The following RIMS2 variants were observed in gnomAD, a reference collection of about 807,000 sequenced individuals.
RIMS2 encodes regulating synaptic membrane exocytosis protein 2.
RIMS2 carries 59 observed loss-of-function variants against 174.4 expected under a neutral mutation model. The ratio of observed to expected loss-of-function variants is 0.34; its 90% CI spans 0.27 to 0.42. The LOEUF (loss-of-function observed/expected upper bound fraction) is 0.42. Among genes scored for constraint, RIMS2 ranks in the 10% least tolerant of loss-of-function variants. The pLI is 1.00. For missense variants in RIMS2, 1,620 were observed against 1,666.3 expected (o/e 0.97, Z 0.48); for synonymous variants, 606 against 572.5 (o/e 1.06, Z -0.84).
At chr8:104,251,623 G>A in exon 24 of RIMS2, 1 of 1,602,964 alleles carries the variant, frequency 6.2e-7, no homozygotes, top group Non-Finnish European at 8.5e-7. Context: ...GGGAGATTAT[G>A]GCCGCATGGA....
intron 14 of RIMS2, among the ~76,000 whole-genome samples, chr8:103,951,027 A>G (rs1244898485): frequency 2.6e-5 from 4 of 152,244 alleles, no homozygotes; most frequent in African/African-American, 9.6e-5. Flanking sequence ...CACCACAATC[A>G]AGTATTCTTT....
intron 19 of RIMS2, among the ~76,000 whole-genome samples, chr8:104,185,507 C>T (rs2098963306): frequency 1.3e-5 from 2 of 151,432 alleles, no homozygotes. Context: ...TAAAAGAGGG[C>T]CTTTGGCTAT....
intron 3 of RIMS2, among the ~76,000 whole-genome samples, chr8:103,827,693 G>T (rs2098799919): frequency 1.3e-5 from 2 of 152,084 alleles, no homozygotes; most frequent in Non-Finnish European, 2.9e-5. Context: ...GAATTAGCTG[G>T]GCGTGGCCGT....
chr8:103,609,410 C>G lies in RIMS2; in HGVS notation c.177-87676C>G, dbSNP rs528187496. Among the ~76,000 whole-genome samples, 20 of 152,262 alleles carry G rather than the reference C, an allele frequency of 1.3e-4. No homozygotes were observed. The South Asian group carries it at 2.9e-3, about 22-fold the overall frequency. ...TTTTTGTTGCAATTGCTGTTGGCAT[C>G]TTTGTCATGAAGTCTTGCTAGGTCC... is the stretch of plus-strand genomic sequence containing the variant. On this transcript the variant is annotated intron_variant, in intron 1 of 23. Coordinates refer to ENST00000504942, the Ensembl canonical transcript of RIMS2.
intron 3 of RIMS2, among the ~76,000 whole-genome samples, chr8:103,837,054 A>G (rs1219305316): frequency 1.3e-5 from 2 of 152,364 alleles, no homozygotes; most frequent in Non-Finnish European, 2.9e-5. Flanking sequence ...AAAATGCTTA[A>G]TGCAAATACA....
chr8:103,803,535 C>G (rs537708998), intron 3 of RIMS2, among the ~76,000 whole-genome samples: 1 of 152,154 alleles, frequency 6.6e-6, no homozygotes, highest in Non-Finnish European at 1.5e-5. Flanking sequence ...CATATGACAA[C>G]TAACTGTATA....
At chr8:104,003,491 G>GCAAC (rs1181681531) in intron 17 of RIMS2, among the ~76,000 whole-genome samples, 1 of 151,018 alleles carries the variant, frequency 6.6e-6, no homozygotes, top group African/African-American at 2.4e-5. Context: ...TTGGCTCACT[G>GCAAC]CAACCTCCAC....
intron 3 of RIMS2, among the ~76,000 whole-genome samples, chr8:103,785,404 G>A (rs1376409520): frequency 6.6e-6 from 1 of 151,228 alleles, no homozygotes; most frequent in African/African-American, 2.4e-5. Context: ...TTGGCTGTGG[G>A]TTTGTCATAG....
chr8:103,836,513 A>G (rs1487151409), intron 3 of RIMS2, among the ~76,000 whole-genome samples: 1 of 152,208 alleles, frequency 6.6e-6, no homozygotes, highest in Non-Finnish European at 1.5e-5. Flanking sequence ...GTGAGCCATG[A>G]CATGTTTGCA....
intron 2 of RIMS2, among the ~76,000 whole-genome samples, chr8:103,755,930 A>G (rs560475141): frequency 2.6e-5 from 4 of 152,218 alleles, no homozygotes; most frequent in South Asian, 4.1e-4. Context: ...ACTTCTGTCA[A>G]CTCATCAAAG....
chr8:103,826,706 AT>A (rs2098793185), intron 3 of RIMS2, among the ~76,000 whole-genome samples: 1 of 149,356 alleles, frequency 6.7e-6, no homozygotes, highest in Non-Finnish European at 1.5e-5. Context: ...ATATGTATAT[AT>A]TATATACATA....
intron 1 of RIMS2, chr8:103,568,656 A>T: frequency 1.6e-6 from 1 of 640,318 alleles, no homozygotes; most frequent in Admixed American, 2.0e-5. Flanking sequence ...CTTTTCTAGA[A>T]GCATTTCCCT....
chr8:103,914,962 T>C (rs2076380442), intron 6 of RIMS2, among the ~76,000 whole-genome samples: 1 of 152,090 alleles, frequency 6.6e-6, no homozygotes, highest in South Asian at 2.1e-4. Context: ...GGGATTCAGA[T>C]GGTCTGAATT....
At chr8:103,630,529 G>A (rs1439114259) in intron 1 of RIMS2, among the ~76,000 whole-genome samples, 5 of 144,536 alleles carry the variant, frequency 3.5e-5, no homozygotes, top group African/African-American at 1.3e-4. Flanking sequence ...GCAATGAGCC[G>A]AGATCGTCCC....
chr8:104,090,729 G>A (rs2097639362), intron 19 of RIMS2, among the ~76,000 whole-genome samples: 1 of 151,792 alleles, frequency 6.6e-6, no homozygotes, highest in Non-Finnish European at 1.5e-5. Flanking sequence ...AATGGGGAAG[G>A]TGAAGCCTGA....
chr8:103,771,455 T>C (rs3107472), intron 3 of RIMS2, among the ~76,000 whole-genome samples: 54,945 of 152,026 alleles, frequency 0.36, 10,628 homozygotes, highest in East Asian at 0.77. Flanking sequence ...TTGCAAAATT[T>C]TACTATTTAA....
intron 1 of RIMS2, among the ~76,000 whole-genome samples, chr8:103,662,706 CT>C (rs1456109940): frequency 6.6e-6 from 1 of 151,380 alleles, no homozygotes; most frequent in African/African-American, 2.4e-5. Flanking sequence ...ATCTATCTAT[CT>C]ATCTATCTAT....
At chr8:103,912,002 C>T (rs1433633016) in intron 5 of RIMS2, 51 bp from the exon 9 acceptor site, 2 of 1,369,366 alleles carry the variant, frequency 1.5e-6, no homozygotes, top group East Asian at 2.5e-5. Flanking sequence ...TAAATAAAAT[C>T]ATTTATTTAT....
At chr8:103,889,984 T>C (rs897950633) in intron 4 of RIMS2, among the ~76,000 whole-genome samples, 2 of 151,936 alleles carry the variant, frequency 1.3e-5, no homozygotes, top group Admixed American at 6.6e-5. Context: ...CCACTCTAGG[T>C]CTGTTTCTTT....
Sources: gnomAD v4.1 joint callset for allele counts (sites outside exome capture counted in the v4.1 genomes callset) on GRCh38, gnomAD v4.1.1 for gene constraint, MANE v1.5 for transcripts, NCBI Gene and HGNC (gene_info 2026-07-23, HGNC 2026-07-21) for gene names.